RBM19: variants seen among roughly 807,000 people sequenced by gnomAD.
The protein encoded by RBM19 is probable RNA-binding protein 19.
Under a neutral mutation model 116.8 loss-of-function variants are expected in RBM19, and 94 were observed. That is an observed-to-expected ratio of 0.80 (90% confidence interval 0.68 to 0.95). RBM19 has a LOEUF of 0.95. Among genes scored for constraint, RBM19 ranks in the 40% least tolerant of loss-of-function variants. The probability of loss-of-function intolerance (pLI) is 0.00; values close to 1 mark genes in which losing one functional copy is unlikely to be tolerated. For synonymous variants in RBM19, 475 were observed against 494.1 expected, an observed-to-expected ratio of 0.96 and a Z score of 0.51; for missense variants, 1,161 against 1,220.7, an observed-to-expected ratio of 0.95 and a Z score of 0.73.
At chr12:113,871,857 G>A (rs1201548041) in intron 21 of RBM19, among the ~76,000 whole-genome samples, 7 of 152,044 alleles carry the variant, frequency 4.6e-5, no homozygotes, top group South Asian at 2.1e-4. Context: ...CTGGAGGAGC[G>A]GACGGGCCCC....
chr12:113,823,424 G>T, intron 23 of RBM19, 103 bp from the exon 24 acceptor site: 1 of 967,650 alleles, frequency 1.0e-6, no homozygotes, highest in Non-Finnish European at 1.6e-6. Context: ...GGAGAGATGA[G>T]CAGAACAAGG....
intron 2 of RBM19, among the ~76,000 whole-genome samples, chr12:113,962,022 G>C (rs1872537183): frequency 6.6e-6 from 1 of 152,232 alleles, no homozygotes; most frequent in South Asian, 2.1e-4. Context: ...TCCATGCACT[G>C]AATCAGATGC....
intron 21 of RBM19, among the ~76,000 whole-genome samples, chr12:113,862,743 G>C (rs1333713787): frequency 6.6e-6 from 1 of 152,126 alleles, no homozygotes; most frequent in Non-Finnish European, 1.5e-5. Flanking sequence ...GGGGGAAGGA[G>C]ATGCACACCA....
chr12:113,959,914 A>G lies in RBM19; in HGVS notation c.340-11T>C. Reference sequence around the variant, plus strand: ...TTTCTTCTTCTCATCCTGAAAACAGAAGGCACAGAGAGTGAGGGTCACACA... The same window carrying G: ...TTTCTTCTTCTCATCCTGAAAACAGGAGGCACAGAGAGTGAGGGTCACACA... On this transcript the variant is annotated splice_polypyrimidine_tract_variant and intron_variant, in intron 3 of 23. Transcript: ENST00000261741. 6.2e-7 allele frequency: 1 copy of G among 1,614,168 alleles called. No individual in the cohort carries two copies. Among genetic ancestry groups the G allele is most frequent in the Non-Finnish European group, 8.5e-7 (1 of 1,180,010 alleles).
At chr12:113,921,705 A>G (rs1868579385) in intron 18 of RBM19, among the ~76,000 whole-genome samples, 1 of 152,224 alleles carries the variant, frequency 6.6e-6, no homozygotes, top group African/African-American at 2.4e-5. Context: ...TCGTTCTGCA[A>G]GCAGATACTG....
intron 21 of RBM19, among the ~76,000 whole-genome samples, chr12:113,861,468 C>A (rs1020981159): frequency 1.0e-5 from 1 of 95,436 alleles, no homozygotes; most frequent in Admixed American, 1.1e-4. Context: ...TCTGGTAAGC[C>A]AGACTCTGTG....
intron 21 of RBM19, among the ~76,000 whole-genome samples, chr12:113,899,666 T>C (rs1393452234): frequency 1.3e-5 from 2 of 152,194 alleles, no homozygotes; most frequent in African/African-American, 2.4e-5. Flanking sequence ...TAGTAAATAT[T>C]TGCTAAACCG....
chr12:113,853,618 G>T (rs1877647266), intron 22 of RBM19, among the ~76,000 whole-genome samples: 1 of 152,230 alleles, frequency 6.6e-6, no homozygotes, highest in Admixed American at 6.5e-5. Flanking sequence ...TGGGTAAAGA[G>T]AGAGGAGGTG....
chr12:113,836,282 T>C (rs1009494133), intron 23 of RBM19, among the ~76,000 whole-genome samples: 7 of 152,066 alleles, frequency 4.6e-5, no homozygotes, highest in Non-Finnish European at 1.0e-4. Context: ...GAGGGCAGTT[T>C]GGTGGAAAAC....
chr12:113,847,696 A>C (rs191282427), intron 22 of RBM19, among the ~76,000 whole-genome samples: 1 of 152,264 alleles, frequency 6.6e-6, no homozygotes, highest in East Asian at 1.9e-4. Flanking sequence ...AGATCCCAGG[A>C]GGTAGGTCCG....
At chr12:113,853,248 C>T (rs575275948) in intron 22 of RBM19, among the ~76,000 whole-genome samples, 66 of 152,314 alleles carry the variant, frequency 4.3e-4, no homozygotes, top group South Asian at 1.0e-3. Context: ...TGGTGCGACC[C>T]TACAATGAAA....
chr12:113,881,829 A>G (rs1445397158), intron 21 of RBM19, among the ~76,000 whole-genome samples: 1 of 152,118 alleles, frequency 6.6e-6, no homozygotes, highest in Non-Finnish European at 1.5e-5. Flanking sequence ...TGCAACACCA[A>G]CTCTTGGAAA....
intron 21 of RBM19, among the ~76,000 whole-genome samples, chr12:113,894,949 C>T (rs972311733): frequency 5.3e-5 from 8 of 152,350 alleles, no homozygotes; most frequent in Middle Eastern, 3.4e-3. Context: ...CCCAAGCCTG[C>T]TCTTCTGGCC....
In RBM19 at chr12:113,942,383, C is replaced by T. The variant is rs150181954; in HGVS notation, c.1678G>A (p.Val560Ile). Residue 560 changes from valine to isoleucine, a missense_variant, in exon 14 of 24, where the codon GTC becomes ATC. Coordinates refer to ENST00000261741, the MANE Select transcript of RBM19 (RefSeq NM_016196.4). Reference protein sequence around the residue: ...VRVALGETQLVQEVRRFLIDN... With the variant: ...VRVALGETQLIQEVRRFLIDN... ...ATGAGAAAACGCCGCACTTCCTGGA[C>T]GAGCTGGGTTTCCCCCAGAGCCACG... is the stretch of plus-strand genomic sequence containing the variant. 2.2e-5 allele frequency: 35 copies of T among 1,609,510 alleles called. No homozygotes were observed. Among genetic ancestry groups the T allele is most frequent in the South Asian group, 5.5e-5 (5 of 91,038 alleles).
chr12:113,889,667 AAAC>A (rs200971743), intron 21 of RBM19, among the ~76,000 whole-genome samples: 11,036 of 99,678 alleles, frequency 0.11, 664 homozygotes, highest in East Asian at 0.4. Context: ...AAAAACAAAC[AAAC>A]AACAAAAAAA....
intron 19 of RBM19, among the ~76,000 whole-genome samples, chr12:113,919,297 C>T (rs1294330574): frequency 6.6e-6 from 1 of 152,220 alleles, no homozygotes; most frequent in East Asian, 1.9e-4. Flanking sequence ...TTAGGCTGAG[C>T]ATGGTGGCTC....
intron 22 of RBM19, among the ~76,000 whole-genome samples, chr12:113,849,490 G>A (rs1877277015): frequency 6.6e-6 from 1 of 152,346 alleles, no homozygotes; most frequent in South Asian, 2.1e-4. Context: ...ATAGGAGTAT[G>A]TCCCGTTCTG....
In RBM19 at chr12:113,838,966, C is replaced by T. The variant is rs568445964; in HGVS notation, c.2785+5702G>A. Among the ~76,000 whole-genome samples the T allele has an allele frequency of 7.2e-5, 11 of 152,336 alleles. No individual in the cohort carries two copies. The South Asian group carries it at 1.9e-3, about 26-fold the overall frequency. ...TGCGGCTCACAGGCTACGGTGTCAC[C>T]GGCATCTTCCTGCCAGGCCCTGCCG... is the stretch of plus-strand genomic sequence containing the variant. On this transcript the variant is annotated intron_variant, in intron 23 of 23. Transcript: ENST00000261741.
At chr12:113,896,747 C>T (rs745794238) in intron 21 of RBM19, among the ~76,000 whole-genome samples, 7 of 152,064 alleles carry the variant, frequency 4.6e-5, no homozygotes, top group Admixed American at 6.5e-5. Flanking sequence ...TACGAAGAGT[C>T]GAAACAAAAT....
Sources: allele counts gnomAD v4.1 joint callset (sites outside exome capture counted in the v4.1 genomes callset), GRCh38; gene constraint gnomAD v4.1.1; transcripts MANE v1.5; gene names NCBI Gene and HGNC (gene_info 2026-07-23, HGNC 2026-07-21).